Variants in SDK2 observed in about 807,000 individuals in gnomAD.
SDK2 encodes the protein protein sidekick-2.
A neutral mutation model predicts 253.9 loss-of-function variants in SDK2; 105 were observed. The ratio of observed to expected loss-of-function variants is 0.41; its 90% CI spans 0.35 to 0.49. The LOEUF (loss-of-function observed/expected upper bound fraction) is 0.49, where lower values mean the gene tolerates loss of function less well. SDK2 is among the 20% of genes least tolerant of loss of function. The pLI is 0.06. For synonymous variants in SDK2, 1,249 were observed against 1,234.9 expected (o/e 1.01, Z -0.24); for missense variants, 2,608 against 3,003.0 (o/e 0.87, Z 3.07).
At chr17:73,483,689 ATATATATATATATATATAT>A (rs1305133304) in intron 2 of SDK2, among the ~76,000 whole-genome samples, 20 of 67,768 alleles carry the variant, frequency 3.0e-4, no homozygotes, top group Admixed American at 6.0e-4. Context: ...ATATTTATAT[ATATATATATATATATATAT>A]TTTTTTTTTT....
intron 1 of SDK2, among the ~76,000 whole-genome samples, chr17:73,598,993 A>G (rs763693453): frequency 4.6e-5 from 7 of 152,222 alleles, no homozygotes; most frequent in Non-Finnish European, 8.8e-5. Flanking sequence ...AATAGATGAG[A>G]GTGCTGAAGA....
intron 1 of SDK2, among the ~76,000 whole-genome samples, chr17:73,549,182 CA>C (rs1417209910): frequency 6.6e-6 from 1 of 152,178 alleles, no homozygotes; most frequent in Non-Finnish European, 1.5e-5. Context: ...AGCTCTTAGG[CA>C]GGCAGAGAAG....
Position 73,555,448 on chromosome 17 carries a change from C to T in SDK2, c.65-47851G>A, listed in dbSNP as rs187118842. ...CCTTGGACTCCGCGCAGCTCATCCTCGTCTCTATGTACTGAGGATGCTGAG... is the reference window on the plus strand; with the variant it reads ...CCTTGGACTCCGCGCAGCTCATCCTTGTCTCTATGTACTGAGGATGCTGAG... On this transcript the variant is annotated intron_variant, in intron 1 of 44. Coordinates refer to ENST00000392650, the MANE Select transcript of SDK2 (RefSeq NM_001144952.2). Among the ~76,000 whole-genome samples, 488 of 152,302 alleles carry T rather than the reference C, an allele frequency of 3.2e-3. 3 individuals carry two copies. Among genetic ancestry groups the T allele is most frequent in the African/African-American group, 0.011 (467 of 41,560 alleles).
chr17:73,492,898 G>C (rs890257742), intron 2 of SDK2, among the ~76,000 whole-genome samples: 19 of 152,178 alleles, frequency 1.2e-4, no homozygotes, highest in Non-Finnish European at 2.9e-5. Flanking sequence ...CGTCTGTCTA[G>C]ACCATTTGCC....
At chr17:73,561,620 C>T (rs2045235498) in intron 1 of SDK2, among the ~76,000 whole-genome samples, 1 of 152,196 alleles carries the variant, frequency 6.6e-6, no homozygotes, top group Non-Finnish European at 1.5e-5. Context: ...TGAGGTCTGG[C>T]CTCTGGTGGC....
At position 73,472,221 on chromosome 17, in the gene SDK2, A is replaced by G. The variant is rs992529258; in HGVS notation, c.225-3T>C. 53 of 1,550,214 alleles carry G rather than the reference A, an allele frequency of 3.4e-5. No individual in the cohort carries two copies. Among genetic ancestry groups the G allele is most frequent in the Admixed American group, 1.4e-4 (7 of 50,976 alleles). On this transcript the variant is annotated splice_region_variant and splice_polypyrimidine_tract_variant and intron_variant, in intron 2 of 44. Transcript: ENST00000392650. ...GGTCCAGGCTGGTGATCATGTATCT[A>G]TGGGACAGACGAGACAGCCAGTGAG...
chr17:73,539,867 GAGCT>G (rs2044837587), intron 1 of SDK2, among the ~76,000 whole-genome samples: 1 of 152,174 alleles, frequency 6.6e-6, no homozygotes. Context: ...ATGCGGCTGT[GAGCT>G]GGGGTACCCA....
intron 3 of SDK2, among the ~76,000 whole-genome samples, chr17:73,466,769 G>A (rs1185892080): frequency 4.8e-5 from 7 of 144,888 alleles, no homozygotes; most frequent in Non-Finnish European, 8.9e-5. Context: ...GGCTTCTTTG[G>A]GGGACAGTTC....
chr17:73,419,386 G>T lies in SDK2; in HGVS notation c.2046-80C>A, dbSNP rs546407115. On this transcript the variant is annotated intron_variant, in intron 15 of 44. Transcript: ENST00000392650. ...TGGGATATGAGAAGGCTGAACCCTG[G>T]CCTGCTCTGACTCTGGATAATTCGG... The T allele has an allele frequency of 2.4e-5, 36 of 1,490,158 alleles. No individual in the cohort carries two copies. The African/African-American group carries it at 4.0e-4, about 16-fold the overall frequency. The allele number at this position is 1,490,158 out of a possible 1,614,324, so 92.3% of individuals were successfully genotyped here.
chr17:73,380,889 C>G lies in SDK2; in HGVS notation c.4762+5G>C, dbSNP rs545027699. On this transcript the variant is annotated splice_donor_5th_base_variant and intron_variant, in intron 34 of 44. Coordinates refer to ENST00000392650, the MANE Select transcript of SDK2 (RefSeq NM_001144952.2). ...GCGATGAAGCCACCATGCAAGGAGA[C>G]TTACTGTCCAGCTCGTACTGCGTGA... The G allele has an allele frequency of 1.3e-6, 2 of 1,491,666 alleles. No homozygotes were observed. The highest frequency in any genetic ancestry group is 2.8e-5 in the East Asian group (1 of 36,358). 92.4% of individuals were successfully genotyped at this position (1,491,666 alleles called of 1,614,324 possible).
In SDK2 at chr17:73,570,115, C is replaced by G. The variant is rs752516433; in HGVS notation, c.65-62518G>C. On this transcript the variant is annotated intron_variant, in intron 1 of 44. Transcript: ENST00000392650. The surrounding 1 kb of genome is among the most constrained non-coding windows in gnomAD (Gnocchi z 4.2). ...CTCTCCCCAGAGCCCCTCGGGACGGCCCCCCAGAGCCCCTCTTGGGGAGAG... is the reference window on the plus strand; with the variant it reads ...CTCTCCCCAGAGCCCCTCGGGACGGGCCCCCAGAGCCCCTCTTGGGGAGAG... 5.9e-5 allele frequency among the ~76,000 whole-genome samples: 9 copies of G among 152,158 alleles called. No homozygotes were observed. The highest frequency in any genetic ancestry group is 2.0e-4 in the Admixed American group (3 of 15,298).
chr17:73,452,770 G>C (rs1280545076), intron 4 of SDK2, among the ~76,000 whole-genome samples: 1 of 152,136 alleles, frequency 6.6e-6, no homozygotes, highest in Non-Finnish European at 1.5e-5. Flanking sequence ...CAGTGTTCCA[G>C]GCAGCCACTA....
Position 73,465,054 on chromosome 17 carries a change from C to T in SDK2, c.331+7058G>A, listed in dbSNP as rs2063587857. ...TTTGAATACTCAGGTAACATGAGTGCTCCAGAAAGACACATTGATGTTATC... is the reference window on the plus strand; with the variant it reads ...TTTGAATACTCAGGTAACATGAGTGTTCCAGAAAGACACATTGATGTTATC... On this transcript the variant is annotated intron_variant, in intron 3 of 44. Transcript: ENST00000392650. This position sits in a 1 kb window ranked among gnomAD's most constrained non-coding sequence, Gnocchi z 4.2. Among the ~76,000 whole-genome samples the T allele has an allele frequency of 6.6e-6, 1 of 152,126 alleles. No individual in the cohort carries two copies. The highest frequency in any genetic ancestry group is 1.5e-5 in the Non-Finnish European group (1 of 68,038).
intron 2 of SDK2, among the ~76,000 whole-genome samples, chr17:73,500,054 C>T (rs1409817517): frequency 3.9e-5 from 6 of 152,042 alleles, no homozygotes; most frequent in Non-Finnish European, 7.4e-5. Context: ...GGATGAGTGG[C>T]AGGGTCCATC....
chr17:73,593,325 G>T (rs2045710275), intron 1 of SDK2, among the ~76,000 whole-genome samples: 2 of 152,138 alleles, frequency 1.3e-5, no homozygotes, highest in Admixed American at 1.3e-4. Context: ...AAACGTTTGT[G>T]GGGAGCAGAG....
intron 2 of SDK2, among the ~76,000 whole-genome samples, chr17:73,483,479 TTG>T (rs146198916): frequency 0.017 from 2,191 of 127,538 alleles, 35 homozygotes; most frequent in African/African-American, 0.036. Flanking sequence ...TGGCTAATCT[TTG>T]TGTGTGTGTG....
At chr17:73,372,237 G>A (rs769586504) in intron 36 of SDK2, among the ~76,000 whole-genome samples, 2 of 152,170 alleles carry the variant, frequency 1.3e-5, no homozygotes, top group East Asian at 3.9e-4. Context: ...GGACTGACAC[G>A]CGTGCAAAGG....
intron 37 of SDK2, among the ~76,000 whole-genome samples, chr17:73,367,048 G>C (rs2062690859): frequency 6.6e-6 from 1 of 152,118 alleles, no homozygotes; most frequent in African/African-American, 2.4e-5. Flanking sequence ...CTGTCACCCA[G>C]GCTGGAGTGC....
chr17:73,639,579 C>A lies in SDK2; in HGVS notation c.64+4446G>T, dbSNP rs547047673. 6.6e-6 allele frequency among the ~76,000 whole-genome samples: 1 copy of A among 152,136 alleles called. No homozygotes were observed. ...CCAAATTATGATGACTAATTCCCAC[C>A]GCTTTAGGCAGCTCCAGGGCTGTCT... On this transcript the variant is annotated intron_variant, in intron 1 of 44. Coordinates refer to ENST00000392650, the MANE Select transcript of SDK2 (RefSeq NM_001144952.2). The surrounding 1 kb of genome is among the most constrained non-coding windows in gnomAD (Gnocchi z 4.3).
Sources: allele counts gnomAD v4.1 joint callset (sites outside exome capture counted in the v4.1 genomes callset), GRCh38; gene constraint gnomAD v4.1.1; non-coding constraint Gnocchi (gnomAD v3.1); transcripts MANE v1.5; gene names NCBI Gene and HGNC (gene_info 2026-07-23, HGNC 2026-07-21).